SMYD3: variants seen among roughly 807,000 people sequenced by gnomAD.
SMYD3 encodes histone-lysine N-methyltransferase SMYD3.
Under a neutral mutation model 57.7 loss-of-function variants are expected in SMYD3, and 36 were observed. The observed-to-expected ratio is 0.62, with a 90% confidence interval of 0.48 to 0.82. SMYD3 has a LOEUF of 0.82. Ranked by LOEUF, SMYD3 falls within the 40% of genes least tolerant of loss-of-function variation. The pLI is 0.00. For missense variants in SMYD3, 515 were observed against 538.8 expected, an observed-to-expected ratio of 0.96 and a Z score of 0.44; for synonymous variants, 211 against 195.0, an observed-to-expected ratio of 1.08 and a Z score of -0.68.
At chr1:246,145,863 A>G (rs932454624) in intron 5 of SMYD3, among the ~76,000 whole-genome samples, 13 of 152,208 alleles carry the variant, frequency 8.5e-5, no homozygotes, top group Non-Finnish European at 1.5e-4. Context: ...ATCTGATACA[A>G]ATGAGGAAGT....
chr1:245,780,575 T>C (rs899081540), intron 10 of SMYD3, among the ~76,000 whole-genome samples: 18 of 151,140 alleles, frequency 1.2e-4, no homozygotes, highest in Non-Finnish European at 2.5e-4. Flanking sequence ...GAGGCTTTTT[T>C]TTTGCATGAG....
chr1:246,346,261 C>T (rs1391112492), intron 2 of SMYD3, among the ~76,000 whole-genome samples: 4 of 151,858 alleles, frequency 2.6e-5, no homozygotes, highest in Non-Finnish European at 4.4e-5. Flanking sequence ...CCAGTCTGGG[C>T]GACAGAGTGA....
intron 1 of SMYD3, among the ~76,000 whole-genome samples, chr1:246,408,417 G>A (rs1287455104): frequency 3.3e-5 from 5 of 152,104 alleles, no homozygotes; most frequent in African/African-American, 1.2e-4. Flanking sequence ...GTGCTTAATA[G>A]GGGTGATGTC....
chr1:246,347,895 C>T (rs2065749398), intron 2 of SMYD3, among the ~76,000 whole-genome samples: 1 of 151,602 alleles, frequency 6.6e-6, no homozygotes, highest in South Asian at 2.1e-4. Context: ...TCTTGAACTA[C>T]CATGTGACCC....
At chr1:246,350,456 C>G (rs554952688) in intron 2 of SMYD3, among the ~76,000 whole-genome samples, 6 of 152,304 alleles carry the variant, frequency 3.9e-5, no homozygotes, top group South Asian at 4.1e-4. Context: ...ACTAAAGAAG[C>G]TGACGAGAAG....
At chr1:246,384,125 A>G (rs757227999) in intron 1 of SMYD3, among the ~76,000 whole-genome samples, 4 of 152,148 alleles carry the variant, frequency 2.6e-5, no homozygotes, top group Non-Finnish European at 5.9e-5. Flanking sequence ...TTCTGGGTAA[A>G]CTAGAAAATA....
chr1:246,269,329 G>A lies in SMYD3; in HGVS notation c.531+57872C>T, dbSNP rs377016824. ...TTCTAAGTTATCACTTTATAAGAAT[G>A]AATATAATCTTCTTAACATTATGAC... On this transcript the variant is annotated intron_variant, in intron 5 of 11. Transcript: ENST00000490107. 4.5e-4 allele frequency among the ~76,000 whole-genome samples: 68 copies of A among 152,252 alleles called. 1 individual carries two copies. In the East Asian group the frequency reaches 0.011, roughly 25 times the overall value.
intron 1 of SMYD3, among the ~76,000 whole-genome samples, chr1:246,417,865 G>A (rs1034945052): frequency 4.6e-5 from 7 of 152,054 alleles, no homozygotes; most frequent in African/African-American, 7.2e-5. Flanking sequence ...TTTCAGGAAG[G>A]GACTATTATC....
At chr1:246,416,650 G>A (rs975583914) in intron 1 of SMYD3, among the ~76,000 whole-genome samples, 3 of 151,762 alleles carry the variant, frequency 2.0e-5, no homozygotes, top group Admixed American at 6.6e-5. Context: ...TCATACAAAC[G>A]TTTTCAGCAG....
intron 10 of SMYD3, among the ~76,000 whole-genome samples, chr1:245,806,916 C>CAAAAAAAAAAAAAAA (rs112012738): frequency 4.8e-5 from 2 of 41,332 alleles, no homozygotes; most frequent in African/African-American, 9.1e-5. Flanking sequence ...GACTCCGTCT[C>CAAAAAAAAAAAAAAA]AAAAAAAAAA....
At chr1:246,307,742 A>G (rs1396421803) in intron 5 of SMYD3, among the ~76,000 whole-genome samples, 1 of 152,072 alleles carries the variant, frequency 6.6e-6, no homozygotes, top group Non-Finnish European at 1.5e-5. Flanking sequence ...CTTATCAGGA[A>G]GAGAAAGCAG....
At chr1:245,846,661 G>T (rs2050679740) in intron 10 of SMYD3, among the ~76,000 whole-genome samples, 1 of 152,156 alleles carries the variant, frequency 6.6e-6, no homozygotes, top group Non-Finnish European at 1.5e-5. Flanking sequence ...AGGATTAGAA[G>T]GACAAGCAAG....
At chr1:246,399,092 G>C (rs1003158255) in intron 1 of SMYD3, among the ~76,000 whole-genome samples, 2 of 152,100 alleles carry the variant, frequency 1.3e-5, no homozygotes, top group African/African-American at 4.8e-5. Flanking sequence ...CATGATCCTG[G>C]CTCACTGCAA....
At chr1:246,436,407 G>C (rs2067374253) in intron 1 of SMYD3, among the ~76,000 whole-genome samples, 1 of 152,094 alleles carries the variant, frequency 6.6e-6, no homozygotes, top group African/African-American at 2.4e-5. Context: ...TTTCCCCTTT[G>C]ATTTTAAAAT....
intron 10 of SMYD3, among the ~76,000 whole-genome samples, chr1:245,836,127 T>C (rs1192641677): frequency 6.6e-6 from 1 of 152,144 alleles, no homozygotes. Context: ...AACGAATCAT[T>C]GGCAATTTGG....
intron 5 of SMYD3, among the ~76,000 whole-genome samples, chr1:246,204,482 A>G (rs1319769543): frequency 6.6e-6 from 1 of 152,228 alleles, no homozygotes; most frequent in African/African-American, 2.4e-5. Flanking sequence ...TGATTACTAA[A>G]TAAATTGGCT....
intron 5 of SMYD3, among the ~76,000 whole-genome samples, chr1:246,259,900 A>G (rs1441592862): frequency 6.6e-6 from 1 of 152,110 alleles, no homozygotes; most frequent in Non-Finnish European, 1.5e-5. Context: ...TTCAGCATCA[A>G]CTTCTCTACA....
chr1:246,446,176 T>C (rs1279961182), intron 1 of SMYD3, among the ~76,000 whole-genome samples: 1 of 152,242 alleles, frequency 6.6e-6, no homozygotes, highest in African/African-American at 2.4e-5. Context: ...CATTGTCTCC[T>C]AGTGCTTTTG....
At chr1:246,307,083 C>T (rs912478615) in intron 5 of SMYD3, among the ~76,000 whole-genome samples, 5 of 152,172 alleles carry the variant, frequency 3.3e-5, no homozygotes, top group Non-Finnish European at 5.9e-5. Context: ...CCTAATCACT[C>T]AGCTTCTACT....
Sources: allele counts gnomAD v4.1 joint callset (sites outside exome capture counted in the v4.1 genomes callset), GRCh38; gene constraint gnomAD v4.1.1; transcripts MANE v1.5; gene names NCBI Gene and HGNC (gene_info 2026-07-23, HGNC 2026-07-21).